The following VGLL4 variants were observed in gnomAD, a reference collection of about 807,000 sequenced individuals.
VGLL4 encodes transcription cofactor vestigial-like protein 4.
Under a neutral mutation model 21.0 loss-of-function variants are expected in VGLL4, and 7 were observed. The ratio of observed to expected loss-of-function variants is 0.33; its 90% CI spans 0.19 to 0.63. VGLL4 has a LOEUF of 0.63. Among genes scored for constraint, VGLL4 ranks in the 20% least tolerant of loss-of-function variants. The pLI, the probability that VGLL4 is intolerant of heterozygous loss-of-function variation, is 0.78. For synonymous variants in VGLL4, 222 were observed against 173.2 expected, an observed-to-expected ratio of 1.28 and a Z score of -2.21; for missense variants, 394 against 425.7, an observed-to-expected ratio of 0.93 and a Z score of 0.66.
At chr3:11,575,869 G>T (rs1478426119) in intron 2 of VGLL4, among the ~76,000 whole-genome samples, 1 of 152,212 alleles carries the variant, frequency 6.6e-6, no homozygotes, top group Non-Finnish European at 1.5e-5. Context: ...GCTTGGCAAT[G>T]TGTGCAGGCT....
At chr3:11,715,022 C>G (rs545098718) in intron 1 of VGLL4, among the ~76,000 whole-genome samples, 3 of 151,924 alleles carry the variant, frequency 2.0e-5, no homozygotes, top group Admixed American at 2.0e-4. Context: ...GTAGTCCCAG[C>G]TACTCGAGAG....
At chr3:11,672,278 G>A (rs2076228032) in intron 2 of VGLL4, among the ~76,000 whole-genome samples, 1 of 152,192 alleles carries the variant, frequency 6.6e-6, no homozygotes, top group Admixed American at 6.5e-5. Flanking sequence ...AATTCACAAT[G>A]CAAAAATCTT....
At chr3:11,647,436 G>C (rs2075809350), upstream of VGLL4, among the ~76,000 whole-genome samples, 2 of 151,964 alleles carry the variant, frequency 1.3e-5, no homozygotes, top group South Asian at 4.2e-4. Context: ...CCTTTTACAG[G>C]GTAAGTAGTC....
intron 2 of VGLL4, among the ~76,000 whole-genome samples, chr3:11,700,071 C>A (rs1345636318): frequency 6.6e-6 from 1 of 152,078 alleles, no homozygotes; most frequent in Non-Finnish European, 1.5e-5. Context: ...CATTTTACAG[C>A]CATAAGCGTC....
At chr3:11,589,918 T>G (rs1187911893) in intron 2 of VGLL4, among the ~76,000 whole-genome samples, 1 of 152,160 alleles carries the variant, frequency 6.6e-6, no homozygotes, top group East Asian at 1.9e-4. Flanking sequence ...GAGCATCACA[T>G]CGGGGGTTGA....
chr3:11,558,053 A>AC lies in VGLL4; in HGVS notation c.*502dup, dbSNP rs1272661253. ...GCATAACACATAAAGTTGTCAGGCA[A>AC]CTTTAGTCCTCCTCCAATAGTGCAA... On this transcript the variant is annotated 3_prime_UTR_variant, in exon 5 of 5. Coordinates refer to ENST00000430365, the MANE Select transcript of VGLL4 (RefSeq NM_001128219.3). The AC allele has an allele frequency of 6.3e-6, 1 of 158,572 alleles. No homozygotes were observed. Among genetic ancestry groups the AC allele is most frequent in the African/African-American group, 2.4e-5 (1 of 41,542 alleles). The allele number at this position is 158,572 out of a possible 1,614,324, so 9.8% of individuals were successfully genotyped here.
Position 11,667,456 on chromosome 3 carries a change from T to C in VGLL4, c.64+35515A>G, listed in dbSNP as rs1334374326. 3.3e-5 allele frequency among the ~76,000 whole-genome samples: 5 copies of C among 152,260 alleles called. No homozygotes were observed. The East Asian group carries it at 7.7e-4, about 23-fold the overall frequency. Reference sequence around the variant, plus strand: ...AATTGTGACATATACTATTTACATATTGACATATAGTATATGCTATGATCA... The same window carrying C: ...AATTGTGACATATACTATTTACATACTGACATATAGTATATGCTATGATCA... On this transcript the variant is annotated intron_variant, in intron 2 of 5. Transcript: ENST00000273038.
chr3:11,582,463 T>G (rs978474464), intron 2 of VGLL4: 4 of 1,224,234 alleles, frequency 3.3e-6, no homozygotes, highest in Admixed American at 5.3e-5. Context: ...GCTTGCCCCC[T>G]GCACTGCAAT....
At position 11,604,497 on chromosome 3, in the gene VGLL4, G is replaced by A. The variant is rs1001749207; in HGVS notation, c.83-2475C>T. ...CAGTTATGTGCCTTTATGCATCTTT[G>A]GGGCCCCTCCCTAGATGGCCTTAAC... is the stretch of plus-strand genomic sequence containing the variant. On this transcript the variant is annotated intron_variant, in intron 1 of 4. Coordinates refer to ENST00000430365, the MANE Select transcript of VGLL4 (RefSeq NM_001128219.3). 8 of 955,632 alleles carry A rather than the reference G, an allele frequency of 8.4e-6. 1 individual carries two copies. In the African/African-American group the frequency reaches 1.5e-4, roughly 17 times the overall value. 59.2% of individuals were successfully genotyped at this position (955,632 alleles called of 1,614,324 possible). A position where few individuals can be genotyped will look rare whatever the true frequency, so the allele number is the denominator to read the frequency against.
chr3:11,602,407 A>G (rs2074828053), intron 1 of VGLL4, among the ~76,000 whole-genome samples: 1 of 152,112 alleles, frequency 6.6e-6, no homozygotes, highest in African/African-American at 2.4e-5. Context: ...CACTGCATTC[A>G]TGAAACCACT....
At chr3:11,661,911 G>A (rs1413780990) in intron 2 of VGLL4, among the ~76,000 whole-genome samples, 2 of 152,190 alleles carry the variant, frequency 1.3e-5, no homozygotes, top group Non-Finnish European at 2.9e-5. Context: ...GAAGAGTGAG[G>A]CAATCCCGGA....
chr3:11,613,774 T>C (rs1273204016), intron 1 of VGLL4, among the ~76,000 whole-genome samples: 1 of 152,246 alleles, frequency 6.6e-6, no homozygotes, highest in African/African-American at 2.4e-5. Context: ...GCAATTTATT[T>C]ATTACACTGT....
At chr3:11,636,370 G>C (rs982692837) in intron 1 of VGLL4, among the ~76,000 whole-genome samples, 6 of 151,936 alleles carry the variant, frequency 3.9e-5, no homozygotes, top group Non-Finnish European at 8.8e-5. Flanking sequence ...ATGCAAAACA[G>C]ATATAAAATA....
chr3:11,600,370 G>GAA lies in VGLL4; in HGVS notation c.272+1461_272+1462dup, dbSNP rs11381868. Among the ~76,000 whole-genome samples the GAA allele has an allele frequency of 2.9e-3, 382 of 133,972 alleles. 1 individual carries two copies. The highest frequency in any genetic ancestry group is 8.6e-3 in the African/African-American group (327 of 38,102). 87.9% of individuals were successfully genotyped at this position (133,972 alleles called of 152,430 possible). The stretch of plus-strand genomic sequence containing the variant: ...CCTTTCTTACTTATGAAAAGAAAAA[G>GAA]AAAAAAAAAAAAAGACCAAATGTTC... On this transcript the variant is annotated intron_variant, in intron 2 of 4. Coordinates refer to ENST00000430365, the MANE Select transcript of VGLL4 (RefSeq NM_001128219.3).
At chr3:11,671,154 TTAGA>T in intron 2 of VGLL4, 1 of 1,277,640 alleles carries the variant, frequency 7.8e-7, no homozygotes, top group African/African-American at 1.5e-5. Context: ...TAATGAGGCT[TTAGA>T]TAAACATACC....
intron 2 of VGLL4, among the ~76,000 whole-genome samples, chr3:11,566,778 T>C (rs777992487): frequency 6.6e-6 from 1 of 152,148 alleles, no homozygotes; most frequent in Non-Finnish European, 1.5e-5. Context: ...CCACCGTCAA[T>C]GATCTCTTCG....
intron 1 of VGLL4, chr3:11,633,799 AGG>A (rs2075533641): frequency 2.6e-5 from 4 of 152,244 alleles, no homozygotes; most frequent in African/African-American, 9.7e-5. Flanking sequence ...TAGAGGCAAA[AGG>A]GCTTACTCAC....
chr3:11,621,520 G>A (rs2075266267), intron 1 of VGLL4, among the ~76,000 whole-genome samples: 1 of 152,106 alleles, frequency 6.6e-6, no homozygotes, highest in East Asian at 1.9e-4. Flanking sequence ...TCTTCATATT[G>A]CCAAATAATA....
In VGLL4 at chr3:11,601,952, G is replaced by C; in HGVS notation, c.153C>G (p.Arg51=). 1 of 1,612,972 alleles carries C rather than the reference G, an allele frequency of 6.2e-7. No individual in the cohort carries two copies. Among genetic ancestry groups the C allele is most frequent in the Non-Finnish European group, 8.5e-7 (1 of 1,179,554 alleles). The change falls in exon 2 of 5, where the codon CGC becomes CGG. Residue 51 remains arginine, a synonymous_variant. Transcript: ENST00000430365. ...LPVASALSSH[R]TGPPPISPSK... ...TGGGGCTGATTGGGGGAGGGCCGGTGCGGTGACTGCTGAGGGCAGAGGCCA... is the reference window on the plus strand; with the variant it reads ...TGGGGCTGATTGGGGGAGGGCCGGTCCGGTGACTGCTGAGGGCAGAGGCCA...
Sources: allele counts gnomAD v4.1 joint callset (sites outside exome capture counted in the v4.1 genomes callset), GRCh38; gene constraint gnomAD v4.1.1; transcripts MANE v1.5; gene names NCBI Gene and HGNC (gene_info 2026-07-23, HGNC 2026-07-21).